KCNH1: variants seen among roughly 807,000 people sequenced by gnomAD.
KCNH1 encodes the protein voltage-gated delayed rectifier potassium channel KCNH1.
A neutral mutation model predicts 69.2 loss-of-function variants in KCNH1; 27 were observed. The ratio of observed to expected loss-of-function variants is 0.39; its 90% CI spans 0.29 to 0.54. The LOEUF (loss-of-function observed/expected upper bound fraction) is 0.54. Ranked by LOEUF, KCNH1 falls within the 20% of genes least tolerant of loss-of-function variation. KCNH1 has a pLI of 0.68. For synonymous variants in KCNH1, 456 were observed against 487.7 expected, an observed-to-expected ratio of 0.93 and a Z score of 0.86; for missense variants, 798 against 1,261.6, an observed-to-expected ratio of 0.63 and a Z score of 5.57.
At chr1:210,822,047 G>T (rs1684940075) in intron 7 of KCNH1, among the ~76,000 whole-genome samples, 1 of 151,806 alleles carries the variant, frequency 6.6e-6, no homozygotes, top group African/African-American at 2.4e-5. Flanking sequence ...CTCTCCCTTG[G>T]GTGGGGAATG....
intron 5 of KCNH1, among the ~76,000 whole-genome samples, chr1:211,077,599 C>G (rs2102462892): frequency 6.6e-6 from 1 of 152,262 alleles, no homozygotes; most frequent in African/African-American, 2.4e-5. Context: ...AAAAGAGCTC[C>G]TGAAGGAAGC....
chr1:211,120,317 C>T (rs1201594022), intron 1 of KCNH1, among the ~76,000 whole-genome samples: 1 of 151,774 alleles, frequency 6.6e-6, no homozygotes, highest in Admixed American at 6.6e-5. Context: ...AGCCTCCTTA[C>T]TAGCTGGAGT....
intron 5 of KCNH1, among the ~76,000 whole-genome samples, chr1:211,037,958 C>CA (rs1553373407): frequency 7.3e-5 from 9 of 123,116 alleles, no homozygotes; most frequent in South Asian, 2.8e-4. Flanking sequence ...GCTTCTCCCT[C>CA]TTTTTTTTTT....
At chr1:210,766,674 A>G (rs962422937) in intron 10 of KCNH1, among the ~76,000 whole-genome samples, 1 of 152,260 alleles carries the variant, frequency 6.6e-6, no homozygotes, top group African/African-American at 2.4e-5. Context: ...CAATCTAGAA[A>G]TCTAAGTTAA....
intron 3 of KCNH1, among the ~76,000 whole-genome samples, chr1:211,094,909 T>C (rs763673230): frequency 2.0e-5 from 3 of 152,210 alleles, no homozygotes; most frequent in Non-Finnish European, 2.9e-5. Flanking sequence ...AAATATAACT[T>C]AAAGATTCAA....
At chr1:210,884,658 G>A (rs1686565238) in intron 7 of KCNH1, among the ~76,000 whole-genome samples, 1 of 152,156 alleles carries the variant, frequency 6.6e-6, no homozygotes, top group Non-Finnish European at 1.5e-5. Flanking sequence ...CTCCTTGCCT[G>A]TTCACTCTCC....
chr1:210,970,535 G>A (rs1486040323), intron 6 of KCNH1, among the ~76,000 whole-genome samples: 1 of 152,044 alleles, frequency 6.6e-6, no homozygotes, highest in Non-Finnish European at 1.5e-5. Flanking sequence ...ATAAGCAATG[G>A]GGAAAGGATT....
intron 9 of KCNH1, among the ~76,000 whole-genome samples, chr1:210,782,609 G>A (rs1021980779): frequency 1.3e-5 from 2 of 151,954 alleles, no homozygotes; most frequent in East Asian, 1.9e-4. Context: ...ACTTGTAATC[G>A]CAGCTACTCA....
chr1:210,830,282 C>T (rs1685130392), intron 7 of KCNH1, among the ~76,000 whole-genome samples: 1 of 152,176 alleles, frequency 6.6e-6, no homozygotes, highest in African/African-American at 2.4e-5. Flanking sequence ...AGAAGCTTCC[C>T]TTCACCATAT....
At chr1:210,710,851 T>C (rs772783664) in intron 10 of KCNH1, among the ~76,000 whole-genome samples, 3 of 152,208 alleles carry the variant, frequency 2.0e-5, no homozygotes, top group Non-Finnish European at 4.4e-5. Context: ...ACATGTTATG[T>C]CTTCACTCCA....
intron 7 of KCNH1, among the ~76,000 whole-genome samples, chr1:210,834,717 T>C (rs1056079409): frequency 2.7e-5 from 4 of 149,938 alleles, no homozygotes; most frequent in Non-Finnish European, 3.0e-5. Context: ...TAATCCCCAC[T>C]GTGATGTGTG....
intron 6 of KCNH1, among the ~76,000 whole-genome samples, chr1:210,966,453 C>A (rs574456461): frequency 6.6e-4 from 100 of 152,302 alleles, no homozygotes; most frequent in Non-Finnish European, 4.3e-4. Context: ...AGGCAACCTA[C>A]AGAATGGGAG....
At chr1:210,857,744 T>A (rs1685886151) in intron 7 of KCNH1, among the ~76,000 whole-genome samples, 1 of 152,234 alleles carries the variant, frequency 6.6e-6, no homozygotes, top group South Asian at 2.1e-4. Flanking sequence ...ATATAAAAAA[T>A]AACCCAATGA....
chr1:210,986,185 G>T (rs1272246425), intron 6 of KCNH1, among the ~76,000 whole-genome samples: 3 of 152,132 alleles, frequency 2.0e-5, no homozygotes, highest in Non-Finnish European at 1.5e-5. Flanking sequence ...GTCTCTGCAC[G>T]TGAGATGGGT....
intron 6 of KCNH1, among the ~76,000 whole-genome samples, chr1:211,001,446 A>G (rs949499066): frequency 1.3e-5 from 2 of 152,240 alleles, no homozygotes; most frequent in Admixed American, 6.5e-5. Flanking sequence ...GAGAAATGCA[A>G]ATCAAAACCA....
intron 6 of KCNH1, among the ~76,000 whole-genome samples, chr1:211,016,605 T>C (rs960722464): frequency 5.3e-5 from 8 of 152,004 alleles, no homozygotes; most frequent in Non-Finnish European, 5.9e-5. Context: ...ATTCCCAACA[T>C]GTACTAAAAT....
chr1:211,086,350 T>C (rs1203156740), intron 4 of KCNH1, among the ~76,000 whole-genome samples: 1 of 152,080 alleles, frequency 6.6e-6, no homozygotes, highest in Non-Finnish European at 1.5e-5. Context: ...TCCAATTATA[T>C]CCCACTTGGA....
chr1:210,861,322 A>T, intron 7 of KCNH1: 1 of 810,452 alleles, frequency 1.2e-6, no homozygotes, highest in Non-Finnish European at 2.2e-6. Flanking sequence ...GTAAAACTTG[A>T]GGAGCCATAT....
chr1:211,076,695 C>G (rs1235554699), intron 5 of KCNH1, among the ~76,000 whole-genome samples: 2 of 152,226 alleles, frequency 1.3e-5, no homozygotes, highest in Non-Finnish European at 2.9e-5. Context: ...ACCTGAGAGC[C>G]TCTTCTCCTC....
Sources: allele counts gnomAD v4.1 joint callset (sites outside exome capture counted in the v4.1 genomes callset), GRCh38; gene constraint gnomAD v4.1.1; transcripts MANE v1.5; gene names NCBI Gene and HGNC (gene_info 2026-07-23, HGNC 2026-07-21).